GFRA1: variants seen among roughly 807,000 people sequenced by gnomAD.
The protein encoded by GFRA1 is GDNF family receptor alpha 1.
A neutral mutation model predicts 51.6 loss-of-function variants in GFRA1; 16 were observed. That is an observed-to-expected ratio of 0.31 (90% CI 0.21 to 0.47). The LOEUF (loss-of-function observed/expected upper bound fraction) is 0.47. GFRA1 is among the 20% of genes least tolerant of loss of function. GFRA1 has a pLI of 1.00. For missense variants in GFRA1, 530 were observed against 594.3 expected, an observed-to-expected ratio of 0.89 and a Z score of 1.13; for synonymous variants, 270 against 241.3, an observed-to-expected ratio of 1.12 and a Z score of -1.10.
chr10:116,204,863 TC>T (rs910441807), intron 5 of GFRA1, among the ~76,000 whole-genome samples: 3 of 152,052 alleles, frequency 2.0e-5, no homozygotes, highest in Non-Finnish European at 2.9e-5. Context: ...GGAGCATAAC[TC>T]CCCACTCCTT....
chr10:116,115,732 C>T (rs1247800955), intron 6 of GFRA1, among the ~76,000 whole-genome samples: 1 of 152,132 alleles, frequency 6.6e-6, no homozygotes, highest in Non-Finnish European at 1.5e-5. Context: ...AACGGAAACA[C>T]CCCCTTCCCT....
At chr10:116,092,733 C>A (rs1384563886) in intron 8 of GFRA1, among the ~76,000 whole-genome samples, 1 of 152,172 alleles carries the variant, frequency 6.6e-6, no homozygotes, top group Non-Finnish European at 1.5e-5. Context: ...AGCTGTATGG[C>A]AGGATAAAAC....
intron 5 of GFRA1, among the ~76,000 whole-genome samples, chr10:116,170,341 GT>G (rs1309000693): frequency 2.0e-5 from 3 of 152,132 alleles, no homozygotes; most frequent in Non-Finnish European, 4.4e-5. Context: ...CTCTCTCTGG[GT>G]TACACTACTC....
intron 4 of GFRA1, among the ~76,000 whole-genome samples, chr10:116,213,235 C>A (rs969716161): frequency 6.6e-6 from 1 of 152,236 alleles, no homozygotes. Context: ...ATTGTTTATA[C>A]TGGCAAAACA....
chr10:116,159,177 TA>T (rs1318843998), intron 5 of GFRA1, among the ~76,000 whole-genome samples: 1 of 152,152 alleles, frequency 6.6e-6, no homozygotes, highest in East Asian at 1.9e-4. Flanking sequence ...TCAGAGTTAC[TA>T]AAGTCAGGAT....
intron 5 of GFRA1, among the ~76,000 whole-genome samples, chr10:116,134,207 TG>T (rs1446060995): frequency 2.6e-5 from 4 of 152,354 alleles, no homozygotes; most frequent in African/African-American, 9.6e-5. Context: ...TGCCAATTTC[TG>T]GGTATCTTTC....
chr10:116,092,125 AC>A (rs1276933500), intron 8 of GFRA1, among the ~76,000 whole-genome samples: 11 of 151,512 alleles, frequency 7.3e-5, no homozygotes, highest in African/African-American at 2.7e-4. Flanking sequence ...ACACACACAC[AC>A]ACACACACAC....
intron 5 of GFRA1, among the ~76,000 whole-genome samples, chr10:116,148,758 A>G (rs1205421060): frequency 6.6e-6 from 1 of 152,198 alleles, no homozygotes; most frequent in African/African-American, 2.4e-5. Flanking sequence ...GATCTTAAGA[A>G]GAATAATCAT....
At chr10:116,107,859 G>A (rs1024637636) in intron 6 of GFRA1, among the ~76,000 whole-genome samples, 4 of 152,146 alleles carry the variant, frequency 2.6e-5, no homozygotes, top group African/African-American at 9.7e-5. Context: ...TGCTTCTTTG[G>A]AGGTTCCCAG....
intron 4 of GFRA1, among the ~76,000 whole-genome samples, chr10:116,216,510 C>A (rs1965574785): frequency 6.6e-6 from 1 of 152,138 alleles, no homozygotes; most frequent in South Asian, 2.1e-4. Flanking sequence ...TAGCCCACAC[C>A]CCACAGTATT....
chr10:116,101,189 T>C (rs80194806), intron 6 of GFRA1, among the ~76,000 whole-genome samples: 3,938 of 152,268 alleles, frequency 0.026, 165 homozygotes, highest in African/African-American at 0.09. Flanking sequence ...TGAATCACAC[T>C]GTAATCAATG....
At chr10:116,247,232 T>C (rs1488287981) in intron 4 of GFRA1, among the ~76,000 whole-genome samples, 1 of 152,264 alleles carries the variant, frequency 6.6e-6, no homozygotes, top group African/African-American at 2.4e-5. Flanking sequence ...TCTCACTCCA[T>C]GTCCTCAATT....
At chr10:116,137,802 G>GT (rs1336037621) in intron 5 of GFRA1, among the ~76,000 whole-genome samples, 1 of 152,020 alleles carries the variant, frequency 6.6e-6, no homozygotes, top group African/African-American at 2.4e-5. Context: ...TGGGCTCTGT[G>GT]TATTTATTAT....
chr10:116,270,948 C>T lies in GFRA1; in HGVS notation c.208G>A (p.Asp70Asn), dbSNP rs747047270. The T allele has an allele frequency of 1.9e-6, 3 of 1,614,210 alleles. No homozygotes were observed. In the East Asian group the frequency reaches 6.7e-5, roughly 36 times the overall value. The change falls in exon 3 of 11, where the codon GAT (aspartate) becomes AAT (asparagine). Residue 70 changes from aspartate (D) to asparagine (N), a missense_variant. Physicochemically the swap from Asp to Asn is conservative, Grantham distance 23. Coordinates refer to ENST00000355422, the MANE Select transcript of GFRA1 (RefSeq NM_005264.8). ...GCCTCCATGGCGCTGCGGCACTCAT[C>T]CTTGGCCTCCAGGCCGGATGCCAGG... ...FSLASGLEAK[D>N]ECRSAMEALK...
At chr10:116,170,938 A>G (rs989839981) in intron 5 of GFRA1, among the ~76,000 whole-genome samples, 9 of 152,244 alleles carry the variant, frequency 5.9e-5, no homozygotes, top group African/African-American at 2.2e-4. Context: ...AGGACACATC[A>G]TCCTTTTGCT....
chr10:116,169,808 G>A (rs919334156), intron 5 of GFRA1, among the ~76,000 whole-genome samples: 13 of 152,260 alleles, frequency 8.5e-5, no homozygotes, highest in Non-Finnish European at 1.9e-4. Context: ...ACCCAGGTGC[G>A]GGTGCAAGAA....
chr10:116,195,257 G>A (rs1389167119), intron 5 of GFRA1, among the ~76,000 whole-genome samples: 1 of 151,966 alleles, frequency 6.6e-6, no homozygotes, highest in African/African-American at 2.4e-5. Context: ...TATCTTTTTT[G>A]TTATGCTTTC....
At chr10:116,253,957 T>C (rs550109899) in intron 4 of GFRA1, among the ~76,000 whole-genome samples, 3 of 152,260 alleles carry the variant, frequency 2.0e-5, no homozygotes, top group East Asian at 3.9e-4. Context: ...TTTCCTCTTA[T>C]GCAAAATGTG....
In GFRA1 at chr10:116,064,291, T is replaced by C; in HGVS notation, c.*107A>G. On this transcript the variant is annotated 3_prime_UTR_variant, in exon 11 of 11. Transcript: ENST00000355422. The stretch of plus-strand genomic sequence containing the variant: ...AAATGTTCCAGTTGAATGGAACTGT[T>C]TCTCAACTGAGCTCCTAAACTGGAA... 2 of 964,030 alleles carry C rather than the reference T, an allele frequency of 2.1e-6. No homozygotes were observed. The highest frequency in any genetic ancestry group is 2.8e-5 in the South Asian group (2 of 71,806). 59.7% of individuals were successfully genotyped at this position (964,030 alleles called of 1,614,324 possible). A position where few individuals can be genotyped will look rare whatever the true frequency, so the allele number is the denominator to read the frequency against.
Sources: gnomAD v4.1 joint callset for allele counts (sites outside exome capture counted in the v4.1 genomes callset) on GRCh38, gnomAD v4.1.1 for gene constraint, MANE v1.5 for transcripts, NCBI Gene and HGNC (gene_info 2026-07-23, HGNC 2026-07-21) for gene names.